Variants in SMIM13 observed in about 807,000 individuals in gnomAD.
SMIM13 encodes small integral membrane protein 13.
SMIM13 carries 3 observed loss-of-function variants against 5.9 expected under a neutral mutation model. The observed-to-expected ratio is 0.51, with a 90% CI of 0.23 to 1.31. The LOEUF is 1.31. SMIM13 is among the 40% of genes most tolerant of loss of function. The pLI, the probability that SMIM13 is intolerant of heterozygous loss-of-function variation, is 0.18. For missense variants in SMIM13, 85 were observed against 109.9 expected, an observed-to-expected ratio of 0.77 and a Z score of 1.01; for synonymous variants, 55 against 46.0, an observed-to-expected ratio of 1.19 and a Z score of -0.79.
chr6:11,104,756 C>T (rs1215116415), intron 1 of SMIM13: 4 of 1,614,060 alleles, frequency 2.5e-6, no homozygotes, highest in Admixed American at 3.3e-5. Flanking sequence ...ATTTATCTAG[C>T]AAAGTTCCCT....
chr6:11,124,005 ATTCT>A (rs1308460781), intron 1 of SMIM13, among the ~76,000 whole-genome samples: 9 of 152,192 alleles, frequency 5.9e-5, no homozygotes, highest in African/African-American at 2.2e-4. Flanking sequence ...TTGCATTATA[ATTCT>A]TTTATTTTCT....
intron 1 of SMIM13, among the ~76,000 whole-genome samples, chr6:11,121,357 A>G (rs1018793360): frequency 6.6e-6 from 1 of 152,226 alleles, no homozygotes; most frequent in Non-Finnish European, 1.5e-5. Flanking sequence ...TGGGAATTGT[A>G]TAAGCTATAC....
In SMIM13 at chr6:11,135,495, A is replaced by G. The variant is rs1758507090; in HGVS notation, c.*893A>G. 6.6e-6 allele frequency: 1 copy of G among 152,658 alleles called. No individual in the cohort carries two copies. The highest frequency in any genetic ancestry group is 6.5e-5 in the Admixed American group (1 of 15,290). The allele number at this position is 152,658 out of a possible 1,614,324, so 9.5% of individuals were successfully genotyped here. A position where few individuals can be genotyped will look rare whatever the true frequency, so the allele number is the denominator to read the frequency against. Reference sequence around the variant, plus strand: ...GATTCATGCGTCGAGCAGGACTATCATTAAGGCATCAAACATCGTTTTGTC... The same window carrying G: ...GATTCATGCGTCGAGCAGGACTATCGTTAAGGCATCAAACATCGTTTTGTC... On this transcript the variant is annotated 3_prime_UTR_variant, in exon 2 of 2. Coordinates refer to ENST00000416247, the MANE Select transcript of SMIM13 (RefSeq NM_001135575.2).
At chr6:11,107,303 G>A (rs912562735) in intron 1 of SMIM13, among the ~76,000 whole-genome samples, 6 of 152,152 alleles carry the variant, frequency 3.9e-5, no homozygotes, top group African/African-American at 1.4e-4. Flanking sequence ...AACAAGACTT[G>A]GTACTTTAGG....
intron 1 of SMIM13, among the ~76,000 whole-genome samples, chr6:11,132,483 C>T (rs1047463858): frequency 6.6e-6 from 1 of 152,110 alleles, no homozygotes; most frequent in African/African-American, 2.4e-5. Context: ...CAAAAAGTGG[C>T]AACTTTGTTT....
intron 1 of SMIM13, chr6:11,103,751 G>C: frequency 6.4e-7 from 1 of 1,551,668 alleles, no homozygotes; most frequent in Non-Finnish European, 8.7e-7. Flanking sequence ...GATTCGTCTG[G>C]AGCTTTATGG....
chr6:11,125,209 T>C (rs142108265), intron 1 of SMIM13, among the ~76,000 whole-genome samples: 4,240 of 137,140 alleles, frequency 0.031, 75 homozygotes, highest in South Asian at 0.081. Context: ...ACCCGGGAGG[T>C]GGAGGTTGCA....
At chr6:11,108,092 T>A (rs1758113796) in intron 1 of SMIM13, among the ~76,000 whole-genome samples, 2 of 152,178 alleles carry the variant, frequency 1.3e-5, no homozygotes, top group South Asian at 4.1e-4. Flanking sequence ...GCCCCTAGTC[T>A]GAGCAAAATA....
chr6:11,117,958 A>G (rs575950777), intron 1 of SMIM13, among the ~76,000 whole-genome samples: 5 of 151,918 alleles, frequency 3.3e-5, no homozygotes, highest in Admixed American at 6.6e-5. Context: ...CTGGTCTCGA[A>G]CTCCTGACCT....
intron 1 of SMIM13, among the ~76,000 whole-genome samples, chr6:11,126,724 A>T (rs950442732): frequency 6.6e-6 from 1 of 152,012 alleles, no homozygotes; most frequent in African/African-American, 2.4e-5. Context: ...TTAGGTGTTT[A>T]TTATGGTCTT....
chr6:11,125,294 TAAA>T (rs34260357), intron 1 of SMIM13, among the ~76,000 whole-genome samples: 2 of 105,192 alleles, frequency 1.9e-5, no homozygotes, highest in Admixed American at 1.0e-4. Context: ...GACTCCATCT[TAAA>T]AAAAAAAAAA....
rs1236847182 is a variant in SMIM13, at chr6:11,137,653, A to G, written c.*3051A>G. ...TGTTTTATTTCCTTCCCAACCAGCC[A>G]TTCATTTCCAATTGTTCTGCCTTTG... On this transcript the variant is annotated 3_prime_UTR_variant, in exon 2 of 2. Transcript: ENST00000416247. 2.0e-5 allele frequency: 3 copies of G among 152,294 alleles called. No individual in the cohort carries two copies. Among genetic ancestry groups the G allele is most frequent in the East Asian group, 3.9e-4 (2 of 5,188 alleles). The allele number at this position is 152,294 out of a possible 1,614,324, so 9.4% of individuals were successfully genotyped here.
chr6:11,094,097 C>T lies in SMIM13; in HGVS notation c.-217C>T, dbSNP rs917294780. 6.5e-6 allele frequency: 1 copy of T among 152,924 alleles called. No homozygotes were observed. Among genetic ancestry groups the T allele is most frequent in the Admixed American group, 6.5e-5 (1 of 15,290 alleles). The allele number at this position is 152,924 out of a possible 1,614,324, so 9.5% of individuals were successfully genotyped here. Reference sequence around the variant, plus strand: ...CCTGCCTCCCGCGCTCTGGCCACCCCGGCGGGAAAAGGATCGGGCGGGCGG... The same window carrying T: ...CCTGCCTCCCGCGCTCTGGCCACCCTGGCGGGAAAAGGATCGGGCGGGCGG... On this transcript the variant is annotated 5_prime_UTR_variant, in exon 1 of 2. Coordinates refer to ENST00000416247, the MANE Select transcript of SMIM13 (RefSeq NM_001135575.2).
rs140318427 is a variant in SMIM13, at chr6:11,100,434, G to A, written c.76+6045G>A. ...TACACTCATCAGTGGTATTTCCCAC[G>A]TGTTCAAATGGATTGCTTTTCCCCT... On this transcript the variant is annotated intron_variant, in intron 1 of 1. Transcript: ENST00000416247. Among the ~76,000 whole-genome samples, 910 of 152,166 alleles carry A rather than the reference G, an allele frequency of 6.0e-3. 3 individuals are homozygous for A. The highest frequency in any genetic ancestry group is 0.024 in the South Asian group (117 of 4,816).
At position 11,117,953 on chromosome 6, in the gene SMIM13, C is replaced by G. The variant is rs1297519932; in HGVS notation, c.77-16450C>G. On this transcript the variant is annotated intron_variant, in intron 1 of 1. Transcript: ENST00000416247. ...GTTTCACCATGTTGGCCAGGCTGGT[C>G]TCGAACTCCTGACCTCAGGTGACCC... Among the ~76,000 whole-genome samples the G allele has an allele frequency of 2.0e-5, 3 of 152,160 alleles. No individual in the cohort carries two copies. The East Asian group carries it at 5.8e-4, about 29-fold the overall frequency.
chr6:11,103,390 T>C, intron 1 of SMIM13: 1 of 316,790 alleles, frequency 3.2e-6, no homozygotes, highest in Non-Finnish European at 5.8e-6. Flanking sequence ...TTGCCTGACA[T>C]TCCTGGTGAG....
chr6:11,120,148 A>G (rs1440610451), intron 1 of SMIM13, among the ~76,000 whole-genome samples: 1 of 152,246 alleles, frequency 6.6e-6, no homozygotes. Context: ...GTGAGATTAT[A>G]TAACTCCACT....
At position 11,138,631 on chromosome 6, in the gene SMIM13, CTG is replaced by C. The variant is rs1758544411; in HGVS notation, c.*4031_*4032del. ...AGGAATGTGTGTAAATGATCATTCA[CTG>C]TTTTTGTTTTAAAACTGGTCAGTAC... On this transcript the variant is annotated 3_prime_UTR_variant, in exon 2 of 2. Transcript: ENST00000416247. 6.6e-6 allele frequency: 1 copy of C among 152,096 alleles called. No individual in the cohort carries two copies. Among genetic ancestry groups the C allele is most frequent in the Non-Finnish European group, 1.5e-5 (1 of 68,008 alleles). 9.4% of individuals were successfully genotyped at this position (152,096 alleles called of 1,614,324 possible). A position where few individuals can be genotyped will look rare whatever the true frequency, so the allele number is the denominator to read the frequency against.
At chr6:11,125,111 C>G (rs1228334236) in intron 1 of SMIM13, among the ~76,000 whole-genome samples, 1 of 151,324 alleles carries the variant, frequency 6.6e-6, no homozygotes, top group Non-Finnish European at 1.5e-5. Flanking sequence ...AACCCCATCT[C>G]TACTAAAAAT....
Sources: gnomAD v4.1 joint callset for allele counts (sites outside exome capture counted in the v4.1 genomes callset) on GRCh38, gnomAD v4.1.1 for gene constraint, MANE v1.5 for transcripts, NCBI Gene and HGNC (gene_info 2026-07-23, HGNC 2026-07-21) for gene names.